MYLK: variants seen among roughly 807,000 people sequenced by gnomAD.
The protein encoded by MYLK is myosin light chain kinase, also known as myosin light chain kinase, smooth muscle.
MYLK carries 106 observed loss-of-function variants against 203.4 expected under a neutral mutation model. That is an observed-to-expected ratio of 0.52 (90% CI 0.45 to 0.61). MYLK has a LOEUF of 0.61. Ranked by LOEUF, MYLK falls within the 20% of genes least tolerant of loss-of-function variation. MYLK has a pLI of 0.00. For synonymous variants in MYLK, 867 were observed against 959.5 expected (o/e 0.90, Z 1.78); for missense variants, 2,072 against 2,442.3 (o/e 0.85, Z 3.20).
chr3:123,682,119 G>GC (rs1177464342), intron 20 of MYLK, 105 bp downstream of exon 20: 1 of 864,430 alleles, frequency 1.2e-6, no homozygotes, highest in Non-Finnish European at 1.9e-6. Context: ...AGGGATTCAG[G>GC]CAAGAGTGAG....
At chr3:123,810,840 G>C (rs978251517) in intron 3 of MYLK, among the ~76,000 whole-genome samples, 1 of 152,230 alleles carries the variant, frequency 6.6e-6, no homozygotes, top group Non-Finnish European at 1.5e-5. Flanking sequence ...GGCAGTCAGT[G>C]ATGTTGCTGA....
chr3:123,842,662 C>T (rs1427792690), intron 2 of MYLK, among the ~76,000 whole-genome samples: 2 of 152,196 alleles, frequency 1.3e-5, no homozygotes, highest in Admixed American at 1.3e-4. Context: ...TGTTCATTTC[C>T]TCTGCCAATA....
At position 123,667,287 on chromosome 3, in the gene MYLK, C is replaced by G. The variant is rs566198233; in HGVS notation, c.3653-100G>C. 2.4e-4 allele frequency: 271 copies of G among 1,114,228 alleles called. 1 individual carries two copies. The South Asian group carries it at 3.3e-3, about 14-fold the overall frequency. 69.0% of individuals were successfully genotyped at this position (1,114,228 alleles called of 1,614,324 possible). On this transcript the variant is annotated intron_variant, in intron 20 of 33. Coordinates refer to ENST00000360304, the MANE Select transcript of MYLK (RefSeq NM_053025.4). ...CAGTCTTGTCCACTGGCCCCTCATC[C>G]AGGGAGGACTCTTATTTGAACATGT...
chr3:123,629,400 C>T lies in MYLK; in HGVS notation c.5114+74G>A. ...GTGGCAAGGAGGGCACCCCAACAGG[C>T]AAAGGAATCCCCCTTTGCTTCCCAA... On this transcript the variant is annotated intron_variant, in intron 30 of 33. Coordinates refer to ENST00000360304, the MANE Select transcript of MYLK (RefSeq NM_053025.4). This position sits in a 1 kb window ranked among gnomAD's most constrained non-coding sequence, Gnocchi z 4.4. 6.3e-7 allele frequency: 1 copy of T among 1,593,618 alleles called. No homozygotes were observed.
intron 2 of MYLK, among the ~76,000 whole-genome samples, chr3:123,855,743 C>A (rs1378861278): frequency 1.3e-5 from 2 of 151,980 alleles, no homozygotes; most frequent in African/African-American, 4.8e-5. Context: ...ACTGGTGCCC[C>A]AGAAGCATCA....
At chr3:123,799,776 G>A (rs1329405341) in intron 3 of MYLK, 1 of 152,432 alleles carries the variant, frequency 6.6e-6, no homozygotes, top group Non-Finnish European at 1.5e-5. Context: ...AGGCTGACTT[G>A]CTATGACCTA....
chr3:123,684,872 T>G (rs1191255724), intron 19 of MYLK, among the ~76,000 whole-genome samples: 1 of 152,228 alleles, frequency 6.6e-6, no homozygotes, highest in East Asian at 1.9e-4. Context: ...AGACTATGTA[T>G]GCAGTTCTGC....
At chr3:123,708,039 G>T in intron 15 of MYLK, 36 bp from the exon 16 acceptor site, 1 of 1,613,060 alleles carries the variant, frequency 6.2e-7, no homozygotes, top group Admixed American at 1.7e-5. Context: ...AAACAGGGAT[G>T]TCCCTCAGCA....
At chr3:123,868,268 A>G (rs1467857497) in intron 2 of MYLK, among the ~76,000 whole-genome samples, 1 of 152,214 alleles carries the variant, frequency 6.6e-6, no homozygotes, top group African/African-American at 2.4e-5. Flanking sequence ...AGAGGATCGT[A>G]TCTTTTGACC....
chr3:123,760,271 C>T (rs997706479), intron 4 of MYLK, among the ~76,000 whole-genome samples: 16 of 152,168 alleles, frequency 1.1e-4, no homozygotes, highest in South Asian at 2.1e-4. Flanking sequence ...CTCCGCCTCC[C>T]GGGTTCAAGT....
intron 4 of MYLK, among the ~76,000 whole-genome samples, chr3:123,760,309 G>A (rs1469998456): frequency 6.6e-6 from 1 of 152,164 alleles, no homozygotes; most frequent in African/African-American, 2.4e-5. Context: ...CTCCCGAGTA[G>A]CTGGGATTAC....
At chr3:123,682,394 G>T in intron 19 of MYLK, 84 bp from the exon 20 acceptor site, 1 of 1,098,742 alleles carries the variant, frequency 9.1e-7, no homozygotes, top group Non-Finnish European at 1.4e-6. Context: ...TCCCACCTCA[G>T]CCAAACTCCT....
At chr3:123,811,617 A>T (rs2109235436) in intron 3 of MYLK, among the ~76,000 whole-genome samples, 1 of 152,236 alleles carries the variant, frequency 6.6e-6, no homozygotes, top group African/African-American at 2.4e-5. Flanking sequence ...CATTTTTTTT[A>T]GCATTCAGCC....
intron 28 of MYLK, chr3:123,638,830 G>A: frequency 1.0e-6 from 1 of 985,430 alleles, no homozygotes; most frequent in African/African-American, 1.7e-5. Context: ...ACCCCAGGGT[G>A]GTACCTCTTG....
chr3:123,704,543 C>T (rs1220986166), intron 16 of MYLK, among the ~76,000 whole-genome samples: 1 of 152,136 alleles, frequency 6.6e-6, no homozygotes, highest in African/African-American at 2.4e-5. Context: ...GTTACAAAGC[C>T]TTGGATCCTG....
chr3:123,708,629 C>G, intron 15 of MYLK, 69 bp downstream of exon 15: 1 of 1,590,572 alleles, frequency 6.3e-7, no homozygotes, highest in Non-Finnish European at 8.6e-7. Context: ...GTTTCCTTGC[C>G]TCCAAATCAC....
In MYLK at chr3:123,629,481, C is replaced by T; in HGVS notation, c.5107G>A (p.Asp1703Asn). 6.2e-7 allele frequency: 1 copy of T among 1,614,198 alleles called. No individual in the cohort carries two copies. Among genetic ancestry groups the T allele is most frequent in the Non-Finnish European group, 8.5e-7 (1 of 1,180,044 alleles). Residue 1703 changes from aspartate to asparagine, a missense_variant, in exon 30 of 34, where the codon GAT becomes AAT. Transcript: ENST00000360304. This position sits in a 1 kb window ranked among gnomAD's most constrained non-coding sequence, Gnocchi z 4.4. The part of the protein sequence containing the change: ...KDFISNLLKK[D>N]MKNRLDCTQC... Reference sequence around the variant, plus strand: ...GAAATCCCAACTCATTACTTCATATCTTTCTTCAGCAGATTGCTGATGAAA... The same window carrying T: ...GAAATCCCAACTCATTACTTCATATTTTTCTTCAGCAGATTGCTGATGAAA...
chr3:123,879,524 A>C (rs572175119), intron 1 of MYLK, among the ~76,000 whole-genome samples: 17 of 152,168 alleles, frequency 1.1e-4, no homozygotes, highest in African/African-American at 3.1e-4. Context: ...TCTGTTAATG[A>C]AACTTGGAAA....
chr3:123,725,075 T>C (rs1047228393), intron 12 of MYLK, among the ~76,000 whole-genome samples: 3 of 152,122 alleles, frequency 2.0e-5, no homozygotes, highest in African/African-American at 7.2e-5. Flanking sequence ...TTCTATTAGG[T>C]ATGAGAGTGA....
Sources: allele counts gnomAD v4.1 joint callset (sites outside exome capture counted in the v4.1 genomes callset), GRCh38; gene constraint gnomAD v4.1.1; non-coding constraint Gnocchi (gnomAD v3.1); transcripts MANE v1.5; gene names NCBI Gene and HGNC (gene_info 2026-07-23, HGNC 2026-07-21).